Variants in GRAMD1A observed in about 807,000 individuals in gnomAD.
GRAMD1A encodes the protein protein Aster-A.
In GRAMD1A, 50 loss-of-function variants were observed where a neutral mutation model predicts 92.0. That is an observed-to-expected ratio of 0.54 (90% CI 0.43 to 0.69). The LOEUF is 0.69. Among genes scored for constraint, GRAMD1A ranks in the 30% least tolerant of loss-of-function variants. The pLI is 0.00. For synonymous variants in GRAMD1A, 405 were observed against 403.6 expected (o/e 1.00, Z -0.04); for missense variants, 819 against 978.9 (o/e 0.84, Z 2.18).
upstream of GRAMD1A, chr19:34,995,983 C>G: frequency 6.7e-7 from 1 of 1,483,062 alleles, no homozygotes; most frequent in Non-Finnish European, 9.0e-7. Context: ...TCTCTTTTTT[C>G]TCTTTCCCAG....
chr19:35,010,970 C>T (rs2015188410), intron 6 of GRAMD1A, among the ~76,000 whole-genome samples: 1 of 151,918 alleles, frequency 6.6e-6, no homozygotes, highest in Non-Finnish European at 1.5e-5. Context: ...TGGTGGCACG[C>T]ACCTGTAGTC....
chr19:34,995,570 G>GTTTTTCTTTTTTTTTTT (rs1173583059), upstream of GRAMD1A, among the ~76,000 whole-genome samples: 2 of 80,956 alleles, frequency 2.5e-5, 1 homozygote. Context: ...TCAGATCACG[G>GTTTTTCTTTTTTTTTTT]GTTTTTTTTT....
At chr19:35,025,932 G>A (rs1306762605) in intron 19 of GRAMD1A, 117 bp from the exon 20 acceptor site, 1 of 685,384 alleles carries the variant, frequency 1.5e-6, no homozygotes, top group African/African-American at 1.8e-5. Context: ...GGACCCTGGG[G>A]TGGGGCAGTA....
Position 35,021,356 on chromosome 19 carries a change from T to TG in GRAMD1A, c.1476-140dup, listed in dbSNP as rs2016035476. The TG allele has an allele frequency of 1.5e-6, 1 of 650,996 alleles. No homozygotes were observed. The highest frequency in any genetic ancestry group is 2.8e-6 in the Non-Finnish European group (1 of 361,106). The allele number at this position is 650,996 out of a possible 1,614,324, so 40.3% of individuals were successfully genotyped here. A position where few individuals can be genotyped will look rare whatever the true frequency, so the allele number is the denominator to read the frequency against. On this transcript the variant is annotated intron_variant, in intron 13 of 19. Coordinates refer to ENST00000317991, the MANE Select transcript of GRAMD1A (RefSeq NM_020895.5). This position sits in a 1 kb window ranked among gnomAD's most constrained non-coding sequence, Gnocchi z 5.3. ...GTGTATGGGGTATCCAGGGAAGCCA[T>TG]GGGGGGTAGGGAACCCATCTGTTTT...
intron 6 of GRAMD1A, chr19:35,010,736 G>A (rs192516631): frequency 3.4e-4 from 178 of 523,360 alleles, no homozygotes; most frequent in African/African-American, 2.4e-3. Context: ...TCTCACCAGC[G>A]GTCCAACAAG....
chr19:35,018,176 C>A (rs1468993557), intron 11 of GRAMD1A, among the ~76,000 whole-genome samples: 23 of 152,026 alleles, frequency 1.5e-4, no homozygotes, highest in Admixed American at 1.4e-3. Context: ...TTAGTAGAGA[C>A]GGGGTTTCAC....
intron 11 of GRAMD1A, among the ~76,000 whole-genome samples, chr19:35,018,962 G>A (rs2015838073): frequency 6.6e-6 from 1 of 152,014 alleles, no homozygotes; most frequent in South Asian, 2.1e-4. Flanking sequence ...AATGCTCAGG[G>A]CAGAAGCCAA....
rs772191872 is a variant in GRAMD1A, at chr19:35,019,406, G to A, written c.1348G>A (p.Gly450Ser). Residue 450 changes from glycine to serine, a missense_variant, in exon 13 of 20, where the codon GGC becomes AGC. Gly to Ser is a moderately conservative substitution (Grantham distance 56). This residue lies in a region of GRAMD1A where 577 missense variants were observed against 674.6 expected (regional missense o/e 0.86). Coordinates refer to ENST00000317991, the MANE Select transcript of GRAMD1A (RefSeq NM_020895.5). ...VVETQTLFRRGPQAGGCVVDS... is the reference protein window; with the variant it reads ...VVETQTLFRRSPQAGGCVVDS... ...GTCCCTGCAGACGCTGTTCCGGCGC[G>A]GCCCCCAGGCCGGCGGGTGTGTGGT... The A allele has an allele frequency of 1.2e-5, 20 of 1,613,702 alleles. No homozygotes were observed. The East Asian group carries it at 1.3e-4, about 11-fold the overall frequency.
At chr19:35,004,292 A>T (rs1025946342) in intron 1 of GRAMD1A, among the ~76,000 whole-genome samples, 4 of 151,938 alleles carry the variant, frequency 2.6e-5, no homozygotes, top group Admixed American at 1.3e-4. Context: ...CTCTAAAAAA[A>T]ATTTAAAAAG....
intron 7 of GRAMD1A, among the ~76,000 whole-genome samples, chr19:35,012,493 G>T (rs991781038): frequency 6.6e-6 from 1 of 152,260 alleles, no homozygotes; most frequent in Non-Finnish European, 1.5e-5. Flanking sequence ...GCCATGGGTG[G>T]CTGAAAGCTC....
rs181559810 is a variant in GRAMD1A, at chr19:35,012,803, C to T, written c.607-453C>T. Reference sequence around the variant, plus strand: ...CAGCCTGGCCAACATGGTGAAACCCCGTCTCTACTAAAATTGCAAAAATTA... The same window carrying T: ...CAGCCTGGCCAACATGGTGAAACCCTGTCTCTACTAAAATTGCAAAAATTA... On this transcript the variant is annotated intron_variant, in intron 7 of 19. Coordinates refer to ENST00000317991, the MANE Select transcript of GRAMD1A (RefSeq NM_020895.5). Among the ~76,000 whole-genome samples the T allele has an allele frequency of 2.6e-3, 394 of 152,296 alleles. 9 individuals are homozygous for T. The highest frequency in any genetic ancestry group is 9.0e-3 in the African/African-American group (374 of 41,572).
intron 1 of GRAMD1A, chr19:35,001,257 T>A (rs1159663778): frequency 6.6e-6 from 1 of 152,428 alleles, no homozygotes; most frequent in Non-Finnish European, 1.5e-5. Context: ...AAGTTACCTG[T>A]GTGTGTCTGG....
At position 35,026,330 on chromosome 19, in the gene GRAMD1A, C is replaced by T. The variant is rs1051184; in HGVS notation, c.*189C>T. 1.7e-6 allele frequency: 1 copy of T among 590,596 alleles called. No homozygotes were observed. Among genetic ancestry groups the T allele is most frequent in the South Asian group, 2.0e-5 (1 of 48,820 alleles). The allele number at this position is 590,596 out of a possible 1,614,324, so 36.6% of individuals were successfully genotyped here. On this transcript the variant is annotated 3_prime_UTR_variant, in exon 20 of 20. Coordinates refer to ENST00000317991, the MANE Select transcript of GRAMD1A (RefSeq NM_020895.5). ...TTAGACCAGGGAGCTGGCCCGGCCT[C>T]TGGCAGGCCCCCCACTAACTTATTT...
At chr19:35,005,897 T>C (rs958412099) in intron 1 of GRAMD1A, 2 of 456,136 alleles carry the variant, frequency 4.4e-6, no homozygotes, top group Non-Finnish European at 8.8e-6. Context: ...AACTACGATC[T>C]GGACAGACAG....
At chr19:34,997,963 G>A (rs1266281287), upstream of GRAMD1A, among the ~76,000 whole-genome samples, 3 of 151,492 alleles carry the variant, frequency 2.0e-5, no homozygotes, top group South Asian at 2.1e-4. Flanking sequence ...AGCTATTCAG[G>A]AAGTTGGGGC....
upstream of GRAMD1A, among the ~76,000 whole-genome samples, chr19:34,995,421 T>C (rs10415814): frequency 0.11 from 15,986 of 152,182 alleles, 1,323 homozygotes; most frequent in African/African-American, 0.23. Flanking sequence ...GCCCCATGCA[T>C]GCCAGAGCCC....
chr19:35,014,259 T>A lies in GRAMD1A; in HGVS notation c.941T>A (p.Val314Glu). 6.2e-7 allele frequency: 1 copy of A among 1,614,094 alleles called. No individual in the cohort carries two copies. Among genetic ancestry groups the A allele is most frequent in the South Asian group, 1.1e-5 (1 of 91,080 alleles). The change falls in exon 10 of 20, where the codon GTG becomes GAG. Residue 314 changes from valine (V) to glutamate (E), a missense_variant. Around this residue, in one of 3 missense-constraint regions of GRAMD1A, gnomAD observed 577 missense variants for 674.6 expected, o/e 0.86. Transcript: ENST00000317991. Reference sequence around the variant, plus strand: ...TCCTCCAGCCAGACAGTGACCCCGGTGGCTGAACCCCCGAGCACAGAGCCC... The same window carrying A: ...TCCTCCAGCCAGACAGTGACCCCGGAGGCTGAACCCCCGAGCACAGAGCCC... ...DASSSQTVTP[V>E]AEPPSTEPTQ...
chr19:35,021,447 G>A lies in GRAMD1A; in HGVS notation c.1476-55G>A. 2.3e-6 allele frequency: 3 copies of A among 1,310,102 alleles called. No individual in the cohort carries two copies. The highest frequency in any genetic ancestry group is 1.4e-5 in the African/African-American group (1 of 69,056). The allele number at this position is 1,310,102 out of a possible 1,614,324, so 81.2% of individuals were successfully genotyped here. The stretch of plus-strand genomic sequence containing the variant: ...GAAAAAACTCAGCTTGTGGGACGGG[G>A]CAGCCAGGGCTGGAGTCAGACCCTT... On this transcript the variant is annotated intron_variant, in intron 13 of 19. Transcript: ENST00000317991. The surrounding 1 kb of genome is among the most constrained non-coding windows in gnomAD (Gnocchi z 5.3).
upstream of GRAMD1A, chr19:34,996,267 A>G (rs1172807658): frequency 5.8e-5 from 89 of 1,533,762 alleles, no homozygotes; most frequent in Admixed American, 1.7e-3. Context: ...AGGATGCCAG[A>G]CCCGCAGAGT....
Sources: allele counts gnomAD v4.1 joint callset (sites outside exome capture counted in the v4.1 genomes callset), GRCh38; gene constraint gnomAD v4.1.1; regional missense constraint gnomAD v4.1.1; non-coding constraint Gnocchi (gnomAD v3.1); transcripts MANE v1.5; gene names NCBI Gene and HGNC (gene_info 2026-07-23, HGNC 2026-07-21).